The following HMCN2 variants were observed in gnomAD, a reference collection of about 807,000 sequenced individuals.
HMCN2 encodes hemicentin-2.
HMCN2 carries 325 observed loss-of-function variants against 377.5 expected under a neutral mutation model. That is an observed-to-expected ratio of 0.86 (90% CI 0.79 to 0.94). The LOEUF is 0.94. HMCN2 is among the 40% of genes least tolerant of loss of function. The probability of loss-of-function intolerance (pLI) is 0.00; values close to 1 mark genes in which losing one functional copy is unlikely to be tolerated. For missense variants in HMCN2, 4,543 were observed against 4,725.3 expected, an observed-to-expected ratio of 0.96 and a Z score of 1.13; for synonymous variants, 2,007 against 2,046.8, an observed-to-expected ratio of 0.98 and a Z score of 0.53.
intron 49 of HMCN2, among the ~76,000 whole-genome samples, chr9:130,375,243 C>G (rs562723445): frequency 2.6e-5 from 4 of 152,214 alleles, no homozygotes; most frequent in Non-Finnish European, 4.4e-5. Context: ...CCCACTCCCC[C>G]CTCAAACAGA....
chr9:130,316,616 T>C (rs912988155), intron 15 of HMCN2, among the ~76,000 whole-genome samples: 1 of 151,614 alleles, frequency 6.6e-6, no homozygotes, highest in African/African-American at 2.4e-5. Context: ...CCTCCAGGAG[T>C]CTCCAGAGCT....
intron 19 of HMCN2, among the ~76,000 whole-genome samples, chr9:130,322,319 AATCT>A (rs1203579796): frequency 0.41 from 61,128 of 149,232 alleles, 12,629 homozygotes; most frequent in East Asian, 0.61. Flanking sequence ...CTATCTATCT[AATCT>A]ATCTATCTAT....
intron 74 of HMCN2, among the ~76,000 whole-genome samples, 156 bp from the exon 75 acceptor site, chr9:130,398,395 C>T (rs1288282554): frequency 2.0e-5 from 3 of 152,112 alleles, no homozygotes; most frequent in East Asian, 1.9e-4. Context: ...CTGCTGGAAG[C>T]GCTGTCTCGG....
intron 1 of HMCN2, among the ~76,000 whole-genome samples, chr9:130,275,729 C>T (rs541469059): frequency 5.9e-5 from 9 of 152,290 alleles, no homozygotes; most frequent in African/African-American, 2.2e-4. Context: ...GGATTACAGG[C>T]GTGAGCCACC....
rs551403856 is a variant in HMCN2 at position 130,389,169 on chromosome 9, A to G, written c.9523+629A>G. On this transcript the variant is annotated intron_variant, in intron 62 of 97. Transcript: ENST00000683500. ...GCCAGCCACCTCTCCCTGCCCCTCC[A>G]TGCGCTAAACGTGGCTGTGCTGGCT... 3.3e-5 allele frequency among the ~76,000 whole-genome samples: 5 copies of G among 152,168 alleles called. 1 individual carries two copies. The highest frequency in any genetic ancestry group is 4.4e-5 in the Non-Finnish European group (3 of 67,978).
intron 77 of HMCN2, 43 bp from the exon 78 acceptor site, chr9:130,402,746 G>A (rs1394169882): frequency 1.6e-6 from 2 of 1,218,696 alleles, no homozygotes; most frequent in African/African-American, 1.6e-5. Context: ...TCCATCCCTG[G>A]GGACCTCTGT....
rs144955881 is a variant in HMCN2, at chr9:130,271,577, C to T, written c.259+5440C>T. ...CCTTGGACACCCCTCTTGTTGTGCA[C>T]GTGTGTTTTTTGTTTTTGTTTTTGT... On this transcript the variant is annotated intron_variant, in intron 1 of 97. Transcript: ENST00000683500. Among the ~76,000 whole-genome samples, 69 of 149,132 alleles carry T rather than the reference C, an allele frequency of 4.6e-4. 1 individual carries two copies. The highest frequency in any genetic ancestry group is 1.6e-3 in the African/African-American group (65 of 41,382).
At chr9:130,273,606 T>C (rs1386209909) in intron 1 of HMCN2, among the ~76,000 whole-genome samples, 2 of 152,136 alleles carry the variant, frequency 1.3e-5, no homozygotes, top group Non-Finnish European at 2.9e-5. Flanking sequence ...CAAGCGATTC[T>C]CTCACCTCAG....
At chr9:130,389,484 G>T (rs1842190249) in intron 62 of HMCN2, among the ~76,000 whole-genome samples, 1 of 151,994 alleles carries the variant, frequency 6.6e-6, no homozygotes, top group South Asian at 2.1e-4. Context: ...CACATTAATG[G>T]CATCATAGAG....
At position 130,277,988 on chromosome 9, in the gene HMCN2, CGAT is replaced by C. The variant is rs1564740133; in HGVS notation, c.260-6614_260-6612del. The stretch of plus-strand genomic sequence containing the variant: ...ACCACCATCATCATCACCACCACCA[CGAT>C]CATCACCACCACCACCATCATCATC... On this transcript the variant is annotated intron_variant, in intron 1 of 97. Coordinates refer to ENST00000683500, the MANE Select transcript of HMCN2 (RefSeq NM_001291815.2). Among the ~76,000 whole-genome samples the C allele has an allele frequency of 1.3e-4, 8 of 63,656 alleles. 2 individuals are homozygous for C. Among genetic ancestry groups the C allele is most frequent in the Non-Finnish European group, 2.3e-4 (8 of 35,428 alleles). The allele number at this position is 63,656 out of a possible 152,430, so 41.8% of individuals were successfully genotyped here.
chr9:130,416,546 A>G (rs538739118), intron 85 of HMCN2, among the ~76,000 whole-genome samples: 2 of 152,342 alleles, frequency 1.3e-5, no homozygotes, highest in East Asian at 3.9e-4. Flanking sequence ...TTTCTGCTAC[A>G]TGGATGTACC....
intron 97 of HMCN2, 50 bp downstream of exon 97, chr9:130,432,605 TCAG>T (rs1406749975): frequency 1.3e-6 from 2 of 1,535,332 alleles, no homozygotes; most frequent in Non-Finnish European, 1.8e-6. Context: ...AGCACATTTT[TCAG>T]TCACTGGGGG....
chr9:130,418,699 C>A, intron 85 of HMCN2, 73 bp from the exon 86 acceptor site: 1 of 1,283,516 alleles, frequency 7.8e-7, no homozygotes, highest in South Asian at 2.4e-5. Flanking sequence ...CCCAGTGTGT[C>A]TAAATGAACA....
chr9:130,384,637 G>T, intron 58 of HMCN2, 48 bp from the exon 59 acceptor site: 1 of 1,300,404 alleles, frequency 7.7e-7, no homozygotes, highest in Non-Finnish European at 1.0e-6. Flanking sequence ...ATTTAGGACT[G>T]GGGGCTGGGC....
chr9:130,425,270 C>A, intron 89 of HMCN2, 140 bp downstream of exon 89: 1 of 1,015,150 alleles, frequency 9.9e-7, no homozygotes, highest in Non-Finnish European at 1.4e-6. Context: ...TAGCCTTGGA[C>A]TTAGGGTAGG....
intron 61 of HMCN2, among the ~76,000 whole-genome samples, chr9:130,387,376 G>A (rs2131659433): frequency 6.6e-6 from 1 of 152,290 alleles, no homozygotes; most frequent in African/African-American, 2.4e-5. Flanking sequence ...GGCTCCATGC[G>A]GTAGTTAAGG....
intron 22 of HMCN2, among the ~76,000 whole-genome samples, chr9:130,334,800 TTCTC>T (rs1489664480): frequency 1.4e-5 from 2 of 141,830 alleles, no homozygotes; most frequent in Non-Finnish European, 3.1e-5. Context: ...TCTCTCTCTC[TTCTC>T]TCTCTCTCTC....
chr9:130,284,597 C>T lies in HMCN2; in HGVS notation c.260-6C>T. On this transcript the variant is annotated splice_polypyrimidine_tract_variant and splice_region_variant and intron_variant, in intron 1 of 97. Coordinates refer to ENST00000683500, the MANE Select transcript of HMCN2 (RefSeq NM_001291815.2). ...CCATCTGGGCGTCCCTCTCTCTTCT[C>T]CACAGATATTGGCCCAGTGACCCTC... 2 of 471,256 alleles carry T rather than the reference C, an allele frequency of 4.2e-6. No individual in the cohort carries two copies. The highest frequency in any genetic ancestry group is 3.1e-5 in the South Asian group (2 of 64,576). The allele number at this position is 471,256 out of a possible 1,614,324, so 29.2% of individuals were successfully genotyped here. A position where few individuals can be genotyped will look rare whatever the true frequency, so the allele number is the denominator to read the frequency against.
At chr9:130,333,218 A>G (rs1838520250) in intron 22 of HMCN2, among the ~76,000 whole-genome samples, 1 of 152,222 alleles carries the variant, frequency 6.6e-6, no homozygotes, top group South Asian at 2.1e-4. Flanking sequence ...CGGAGCCATC[A>G]GACAGCGTAA....
Sources: allele counts gnomAD v4.1 joint callset (sites outside exome capture counted in the v4.1 genomes callset), GRCh38; gene constraint gnomAD v4.1.1; transcripts MANE v1.5; gene names NCBI Gene and HGNC (gene_info 2026-07-23, HGNC 2026-07-21).